KIF13B: variants seen among roughly 807,000 people sequenced by gnomAD.
The protein encoded by KIF13B is kinesin-like protein KIF13B.
KIF13B carries 127 observed loss-of-function variants against 222.0 expected under a neutral mutation model. The ratio of observed to expected loss-of-function variants is 0.57; its 90% CI spans 0.50 to 0.66. The LOEUF (loss-of-function observed/expected upper bound fraction) is 0.66, where lower values mean the gene tolerates loss of function less well. Ranked by LOEUF, KIF13B falls within the 30% of genes least tolerant of loss-of-function variation. The pLI, the probability that KIF13B is intolerant of heterozygous loss-of-function variation, is 0.00. For missense variants in KIF13B, 2,173 were observed against 2,379.0 expected (o/e 0.91, Z 1.80); for synonymous variants, 976 against 919.0 (o/e 1.06, Z -1.12).
intron 16 of KIF13B, among the ~76,000 whole-genome samples, chr8:29,148,011 G>A (rs1157757798): frequency 3.9e-5 from 6 of 152,146 alleles, no homozygotes; most frequent in Non-Finnish European, 7.4e-5. Flanking sequence ...CAGCCTGGCC[G>A]ACATGGCGAA....
chr8:29,226,112 G>A (rs1815008054), intron 2 of KIF13B, among the ~76,000 whole-genome samples: 1 of 151,866 alleles, frequency 6.6e-6, no homozygotes, highest in Non-Finnish European at 1.5e-5. Context: ...ATCTAGAGAC[G>A]GATTGATTCA....
At position 29,150,294 on chromosome 8, in the gene KIF13B, T is replaced by C; in HGVS notation, c.1622+3A>G. ...TCTTTAAGGGACATGAACAACATCA[T>C]ACCTGAAGAAATGATTGTTTCCCCA... On this transcript the variant is annotated splice_donor_region_variant and intron_variant, in intron 15 of 39. Coordinates refer to ENST00000524189, the MANE Select transcript of KIF13B (RefSeq NM_015254.4). 1 of 1,523,216 alleles carries C rather than the reference T, an allele frequency of 6.6e-7. No individual in the cohort carries two copies. Among genetic ancestry groups the C allele is most frequent in the Non-Finnish European group, 9.1e-7 (1 of 1,102,462 alleles). The allele number at this position is 1,523,216 out of a possible 1,614,324, so 94.4% of individuals were successfully genotyped here. A position where few individuals can be genotyped will look rare whatever the true frequency, so the allele number is the denominator to read the frequency against.
chr8:29,193,243 C>T (rs1024702704), intron 3 of KIF13B, among the ~76,000 whole-genome samples: 7 of 152,226 alleles, frequency 4.6e-5, no homozygotes, highest in Non-Finnish European at 7.3e-5. Context: ...GTGTTACACA[C>T]TGCTCACCCT....
rs1269444502 is a variant in KIF13B at position 29,087,901 on chromosome 8, C to CA, written c.4458+4843dup. ...TGGGCAACAGAGCGAGACCTTGTCA[C>CA]AAAAAATAAATTAAAAAAAAAAACT... On this transcript the variant is annotated intron_variant, in intron 37 of 39. Transcript: ENST00000524189. Among the ~76,000 whole-genome samples the CA allele has an allele frequency of 2.7e-5, 4 of 147,018 alleles. No individual in the cohort carries two copies. In the East Asian group the frequency reaches 6.3e-4, roughly 23 times the overall value.
intron 1 of KIF13B, chr8:29,250,040 A>T (rs949727167): frequency 7.8e-7 from 1 of 1,289,036 alleles, no homozygotes; most frequent in Non-Finnish European, 1.0e-6. Flanking sequence ...CCACTGCTTA[A>T]TGGAATCTGA....
chr8:29,134,927 G>A (rs1361266586), intron 21 of KIF13B, among the ~76,000 whole-genome samples: 1 of 152,184 alleles, frequency 6.6e-6, no homozygotes, highest in African/African-American at 2.4e-5. Flanking sequence ...GCAGGGTGCG[G>A]TTGTAACAAA....
chr8:29,223,627 A>T (rs1217050615), intron 2 of KIF13B, among the ~76,000 whole-genome samples: 1 of 152,270 alleles, frequency 6.6e-6, no homozygotes, highest in South Asian at 2.1e-4. Flanking sequence ...TGATAAAGAT[A>T]GTGTATTCCT....
Position 29,155,777 on chromosome 8 carries a change from A to G in KIF13B, c.1484T>C (p.Ile495Thr), listed in dbSNP as rs958670025. The change falls in exon 14 of 40, where the codon ATA becomes ACA. Residue 495 changes from isoleucine to threonine, a missense_variant. This residue lies in a region of KIF13B where 1,480 missense variants were observed against 1,722.8 expected (regional missense o/e 0.86). Transcript: ENST00000524189. ...GMGILPEHCI[I>T]DITSEGQVML... ...AACCTGGCCTTCTGACGTGATGTCT[A>G]TAATACAGTGTTCAGGAAGAATTCC... 55 of 1,601,774 alleles carry G rather than the reference A, an allele frequency of 3.4e-5. No individual in the cohort carries two copies. Among genetic ancestry groups the G allele is most frequent in the Non-Finnish European group, 4.5e-5 (53 of 1,173,322 alleles).
At chr8:29,188,352 A>G (rs1813031284) in intron 5 of KIF13B, among the ~76,000 whole-genome samples, 163 bp downstream of exon 5, 1 of 152,214 alleles carries the variant, frequency 6.6e-6, no homozygotes, top group African/African-American at 2.4e-5. Context: ...ATTTTATTAC[A>G]CTCATTTTAA....
intron 10 of KIF13B, among the ~76,000 whole-genome samples, chr8:29,167,825 C>T (rs1163311688): frequency 6.6e-6 from 1 of 152,276 alleles, no homozygotes; most frequent in African/African-American, 2.4e-5. Flanking sequence ...GTCATGAAAC[C>T]TACCTTTATT....
chr8:29,142,225 G>A lies in KIF13B; in HGVS notation c.2266C>T (p.Leu756=). The A allele has an allele frequency of 1.2e-6, 2 of 1,613,722 alleles. No homozygotes were observed. The highest frequency in any genetic ancestry group is 1.7e-6 in the Non-Finnish European group (2 of 1,179,664). The change falls in exon 19 of 40, where the codon CTG becomes TTG. Residue 756 remains leucine, a synonymous_variant. Coordinates refer to ENST00000524189, the MANE Select transcript of KIF13B (RefSeq NM_015254.4). ...CTCATATCCAACAGCCTGTTGTCCA[G>A]TTTTTCCAAAGACCAAATCTGCTTT... The part of the protein sequence containing the change: ...KGKQIWSLEK[L]DNRLLDMRDL...
chr8:29,153,079 C>T (rs993601501), intron 14 of KIF13B, among the ~76,000 whole-genome samples: 1 of 152,054 alleles, frequency 6.6e-6, no homozygotes, highest in African/African-American at 2.4e-5. Flanking sequence ...TTATTATCCC[C>T]CATTTTTCAA....
chr8:29,255,718 C>G (rs373911157), intron 1 of KIF13B, among the ~76,000 whole-genome samples: 1 of 152,254 alleles, frequency 6.6e-6, no homozygotes, highest in African/African-American at 2.4e-5. Flanking sequence ...ATGCCCAATA[C>G]CAATTAATTC....
In KIF13B at chr8:29,146,463, T is replaced by C; in HGVS notation, c.2102A>G (p.Asn701Ser). Residue 701 changes from asparagine (N) to serine (S), a missense_variant, in exon 18 of 40, where the codon AAT (asparagine) becomes AGT (serine). This residue lies in a region of KIF13B where 1,480 missense variants were observed against 1,722.8 expected (regional missense o/e 0.86). Coordinates refer to ENST00000524189, the MANE Select transcript of KIF13B (RefSeq NM_015254.4). The stretch of plus-strand genomic sequence containing the variant: ...TTTATCCAGCTCCTCAGCAATGTAA[T>C]TAGCTTCTCTCACCAATAGATTGGC... Reference protein sequence around the residue: ...VKANLLVREANYIAEELDKRT... With the variant: ...VKANLLVREASYIAEELDKRT... 2 of 1,613,768 alleles carry C rather than the reference T, an allele frequency of 1.2e-6. No individual in the cohort carries two copies. The highest frequency in any genetic ancestry group is 1.6e-4 in the Middle Eastern group (1 of 6,062).
rs575959771 is a variant in KIF13B, at chr8:29,220,019, A to G, written c.150-23820T>C. Among the ~76,000 whole-genome samples, 381 of 151,320 alleles carry G rather than the reference A, an allele frequency of 2.5e-3. 5 individuals are homozygous for G. Among genetic ancestry groups the G allele is most frequent in the African/African-American group, 8.7e-3 (360 of 41,188 alleles). On this transcript the variant is annotated intron_variant, in intron 2 of 39. Coordinates refer to ENST00000524189, the MANE Select transcript of KIF13B (RefSeq NM_015254.4). The stretch of plus-strand genomic sequence containing the variant: ...GTAGAGCTTGCAGTGAGCCGAGATC[A>G]TGCCACTGCACTCCAGCCTGGGCAA...
At chr8:29,195,006 G>C (rs1813353929) in intron 3 of KIF13B, among the ~76,000 whole-genome samples, 1 of 152,052 alleles carries the variant, frequency 6.6e-6, no homozygotes, top group South Asian at 2.1e-4. Flanking sequence ...CCAGCACTTT[G>C]GGAGGCCGAG....
In KIF13B at chr8:29,197,508, TCCC is replaced by T. The variant is rs367902407; in HGVS notation, c.150-1312_150-1310del. On this transcript the variant is annotated intron_variant, in intron 2 of 39. Transcript: ENST00000524189. Reference sequence around the variant, plus strand: ...CTGCTTTTCTCCTTCTCCTTCCCTTTCCCCCAAGGATTTATATGAATAAATACA... The same window carrying T: ...CTGCTTTTCTCCTTCTCCTTCCCTTTCCAAGGATTTATATGAATAAATACA... 4.1e-3 allele frequency among the ~76,000 whole-genome samples: 621 copies of T among 152,110 alleles called. 1 individual carries two copies. The highest frequency in any genetic ancestry group is 0.014 in the African/African-American group (589 of 41,492).
chr8:29,173,937 C>T (rs1015464561), intron 10 of KIF13B, among the ~76,000 whole-genome samples: 9 of 105,020 alleles, frequency 8.6e-5, no homozygotes, highest in Non-Finnish European at 1.6e-4. Flanking sequence ...AGCGAGGCTC[C>T]GTCTCAAAAA....
chr8:29,263,085 C>A (rs1816750464), upstream of KIF13B: 10 of 1,526,532 alleles, frequency 6.6e-6, no homozygotes, highest in Admixed American at 1.9e-4. Flanking sequence ...CGGCCACCGG[C>A]GACTCTTCGG....
Sources: allele counts gnomAD v4.1 joint callset (sites outside exome capture counted in the v4.1 genomes callset), GRCh38; gene constraint gnomAD v4.1.1; regional missense constraint gnomAD v4.1.1; transcripts MANE v1.5; gene names NCBI Gene and HGNC (gene_info 2026-07-23, HGNC 2026-07-21).